Variants in CPA6 observed in about 807,000 individuals in gnomAD.
The protein encoded by CPA6 is carboxypeptidase A6, also known as carboxypeptidase B.
A neutral mutation model predicts 63.3 loss-of-function variants in CPA6; 58 were observed. The ratio of observed to expected loss-of-function variants is 0.92; its 90% confidence interval spans 0.74 to 1.14. CPA6 has a LOEUF of 1.14. CPA6 is among the 50% of genes most tolerant of loss of function. The pLI is 0.00. For missense variants in CPA6, 565 were observed against 526.6 expected (o/e 1.07, Z -0.71); for synonymous variants, 185 against 179.0 (o/e 1.03, Z -0.27).
chr8:67,513,401 C>T lies in CPA6; in HGVS notation c.318-1746G>A, dbSNP rs539257221. On this transcript the variant is annotated intron_variant, in intron 3 of 10. Coordinates refer to ENST00000297770, the MANE Select transcript of CPA6 (RefSeq NM_020361.5). The stretch of plus-strand genomic sequence containing the variant: ...GGCTGGGGTAATTATAAATTGTCAA[C>T]GTATTCCAATACTGCAGGGAACCTT... Among the ~76,000 whole-genome samples, 67 of 152,146 alleles carry T rather than the reference C, an allele frequency of 4.4e-4. 1 individual carries two copies. Among genetic ancestry groups the T allele is most frequent in the African/African-American group, 1.5e-3 (61 of 41,496 alleles).
chr8:67,629,580 T>A (rs565294255), intron 1 of CPA6, among the ~76,000 whole-genome samples: 1 of 151,978 alleles, frequency 6.6e-6, no homozygotes, highest in Non-Finnish European at 1.5e-5. Context: ...TAAAGACAAG[T>A]AAGATTATGT....
chr8:67,538,197 A>G (rs1812628689), intron 2 of CPA6, among the ~76,000 whole-genome samples: 1 of 152,226 alleles, frequency 6.6e-6, no homozygotes, highest in African/African-American at 2.4e-5. Context: ...GATGTCTATT[A>G]GGTCTGCTTT....
intron 1 of CPA6, among the ~76,000 whole-genome samples, chr8:67,720,772 A>G (rs1197670476): frequency 6.6e-6 from 1 of 152,200 alleles, no homozygotes; most frequent in East Asian, 1.9e-4. Context: ...ACTTCTTTGA[A>G]TGAAGAGCTG....
chr8:67,660,757 TGTG>T (rs554866764), intron 1 of CPA6, among the ~76,000 whole-genome samples: 88 of 152,266 alleles, frequency 5.8e-4, no homozygotes, highest in African/African-American at 2.0e-3. Context: ...TTACAGTTGA[TGTG>T]GTGATTGATT....
chr8:67,648,257 G>C (rs545520200), intron 1 of CPA6, among the ~76,000 whole-genome samples: 54 of 89,088 alleles, frequency 6.1e-4, no homozygotes, highest in African/African-American at 2.6e-3. Context: ...TCCTAGATTA[G>C]GTTTTTTTTT....
At chr8:67,681,474 G>T (rs529190186) in intron 1 of CPA6, among the ~76,000 whole-genome samples, 1 of 152,064 alleles carries the variant, frequency 6.6e-6, no homozygotes, top group Non-Finnish European at 1.5e-5. Context: ...CTCCCAAAGT[G>T]CTGGGATTAC....
chr8:67,595,749 C>T (rs138571368), intron 2 of CPA6, among the ~76,000 whole-genome samples: 10,966 of 152,244 alleles, frequency 0.072, 477 homozygotes, highest in Middle Eastern at 0.17. Flanking sequence ...GTGCAGTATT[C>T]GGGTGGGAGT....
chr8:67,686,419 T>C (rs945675180), intron 1 of CPA6, among the ~76,000 whole-genome samples: 2 of 152,162 alleles, frequency 1.3e-5, no homozygotes, highest in African/African-American at 2.4e-5. Context: ...GCATAAACAT[T>C]GACAAAAACC....
chr8:67,445,080 A>G (rs951104375), intron 8 of CPA6, among the ~76,000 whole-genome samples: 1 of 152,182 alleles, frequency 6.6e-6, no homozygotes, highest in Non-Finnish European at 1.5e-5. Context: ...GCCAGATGTT[A>G]TATGTGCTTA....
intron 1 of CPA6, among the ~76,000 whole-genome samples, chr8:67,628,336 G>T (rs1815240496): frequency 6.6e-6 from 1 of 152,194 alleles, no homozygotes; most frequent in South Asian, 2.1e-4. Context: ...TAGGCAACCT[G>T]AAAGTCCTGT....
chr8:67,696,463 A>T (rs1235158001), intron 1 of CPA6, among the ~76,000 whole-genome samples: 1 of 152,210 alleles, frequency 6.6e-6, no homozygotes, highest in African/African-American at 2.4e-5. Flanking sequence ...GGACAGTTTG[A>T]TGGCATCTTA....
rs2128990154 is a variant in CPA6 at position 67,642,750 on chromosome 8, A to T, written c.117-18499T>A. ...CTCTTTCATAAATAGAACTGGAACA[A>T]CTACTTATCCATGTGGGAAAATAAT... On this transcript the variant is annotated intron_variant, in intron 1 of 10. Coordinates refer to ENST00000297770, the MANE Select transcript of CPA6 (RefSeq NM_020361.5). 1.3e-5 allele frequency among the ~76,000 whole-genome samples: 2 copies of T among 150,650 alleles called. 1 individual carries two copies. Among genetic ancestry groups the T allele is most frequent in the South Asian group, 4.3e-4 (2 of 4,694 alleles).
At chr8:67,543,177 A>G (rs778527187) in intron 2 of CPA6, among the ~76,000 whole-genome samples, 1 of 152,180 alleles carries the variant, frequency 6.6e-6, no homozygotes, top group Non-Finnish European at 1.5e-5. Context: ...ATTTTCTGGG[A>G]TGCATATACT....
intron 6 of CPA6, among the ~76,000 whole-genome samples, chr8:67,498,726 T>C (rs1281716609): frequency 6.6e-6 from 1 of 152,114 alleles, no homozygotes; most frequent in Non-Finnish European, 1.5e-5. Context: ...ATATTGGTAA[T>C]GGTTTTGCTA....
chr8:67,533,322 A>T (rs966420692), intron 2 of CPA6, among the ~76,000 whole-genome samples: 1 of 152,230 alleles, frequency 6.6e-6, no homozygotes, highest in Non-Finnish European at 1.5e-5. Flanking sequence ...GTTATTTTAG[A>T]TTGATAATTG....
chr8:67,591,857 T>A (rs1269808144), intron 2 of CPA6, among the ~76,000 whole-genome samples: 2 of 152,326 alleles, frequency 1.3e-5, no homozygotes, highest in Middle Eastern at 3.4e-3. Context: ...CTTCCTCTTT[T>A]TCTAATTGAA....
intron 1 of CPA6, among the ~76,000 whole-genome samples, chr8:67,632,148 CTGTGTGTGTGTGTG>C (rs35463897): frequency 1.1e-4 from 17 of 147,842 alleles, no homozygotes; most frequent in East Asian, 4.0e-4. Context: ...AAAAATGATG[CTGTGTGTGTGTGTG>C]TGTGTGTGTG....
At chr8:67,646,746 C>G (rs969315391) in intron 1 of CPA6, among the ~76,000 whole-genome samples, 2 of 152,088 alleles carry the variant, frequency 1.3e-5, no homozygotes, top group South Asian at 2.1e-4. Context: ...TGGTAAGGAG[C>G]CTGCAGGGGA....
chr8:67,653,834 A>G (rs1815910582), intron 1 of CPA6, among the ~76,000 whole-genome samples: 1 of 152,064 alleles, frequency 6.6e-6, no homozygotes, highest in African/African-American at 2.4e-5. Flanking sequence ...TTTAGAGGGA[A>G]TGCTTCCAGT....
Sources: allele counts gnomAD v4.1 joint callset (sites outside exome capture counted in the v4.1 genomes callset), GRCh38; gene constraint gnomAD v4.1.1; transcripts MANE v1.5; gene names NCBI Gene and HGNC (gene_info 2026-07-23, HGNC 2026-07-21).